KRAS: variants seen among roughly 807,000 people sequenced by gnomAD.
KRAS encodes KRas proto-oncogene, GTPase.
In KRAS, 1 loss-of-function variant was observed where a neutral mutation model predicts 21.0. The observed-to-expected ratio is 0.05, with a 90% confidence interval of 0.02 to 0.23. The LOEUF (loss-of-function observed/expected upper bound fraction) is 0.23, where lower values mean the gene tolerates loss of function less well. Ranked by LOEUF, KRAS falls within the 10% of genes least tolerant of loss-of-function variation. The pLI, the probability that KRAS is intolerant of heterozygous loss-of-function variation, is 1.00. For missense variants in KRAS, 107 were observed against 221.8 expected (o/e 0.48, Z 3.29); for synonymous variants, 67 against 72.5 (o/e 0.92, Z 0.39).
intron 2 of KRAS, among the ~76,000 whole-genome samples, chr12:25,242,663 TA>T (rs1263655474): frequency 6.6e-6 from 1 of 152,210 alleles, no homozygotes; most frequent in African/African-American, 2.4e-5. Flanking sequence ...CCTCTGCCAC[TA>T]AGTTGCCATT....
intron 4 of KRAS, among the ~76,000 whole-genome samples, chr12:25,223,647 G>T (rs1789700880): frequency 6.6e-6 from 1 of 152,128 alleles, no homozygotes; most frequent in South Asian, 2.1e-4. Context: ...TATCAAATTT[G>T]TATAACTAGG....
intron 2 of KRAS, among the ~76,000 whole-genome samples, chr12:25,237,131 G>A (rs943382704): frequency 6.6e-6 from 1 of 152,164 alleles, no homozygotes; most frequent in African/African-American, 2.4e-5. Context: ...CTGTGTGGAG[G>A]ATGCCAGACA....
In KRAS at chr12:25,250,831, GA is replaced by G; in HGVS notation, c.-93del. Reference sequence around the variant, plus strand: ...CCTGCGCCGCGCTCGCTCCCAGTCCGAAATGGCGGGGGCCGGGAGTACTGGC... The same window carrying G: ...CCTGCGCCGCGCTCGCTCCCAGTCCGAATGGCGGGGGCCGGGAGTACTGGC... On this transcript the variant is annotated 5_prime_UTR_variant, in exon 1 of 5. Coordinates refer to ENST00000311936, the MANE Select transcript of KRAS (RefSeq NM_004985.5). 1 of 227,010 alleles carries G rather than the reference GA, an allele frequency of 4.4e-6. No individual in the cohort carries two copies. The allele number at this position is 227,010 out of a possible 1,614,324, so 14.1% of individuals were successfully genotyped here.
At chr12:25,246,138 A>T (rs1565892103) in intron 1 of KRAS, among the ~76,000 whole-genome samples, 1 of 130,014 alleles carries the variant, frequency 7.7e-6, no homozygotes, top group Non-Finnish European at 1.6e-5. Flanking sequence ...ATAGAGCAAG[A>T]CTCCGTCTCA....
chr12:25,248,602 T>C (rs1951719290), intron 1 of KRAS, among the ~76,000 whole-genome samples: 1 of 137,402 alleles, frequency 7.3e-6, no homozygotes, highest in Admixed American at 7.6e-5. Flanking sequence ...CGGTGGTTGT[T>C]TCCAGAAAAA....
At chr12:25,235,445 C>T (rs537966713) in intron 2 of KRAS, among the ~76,000 whole-genome samples, 2 of 152,312 alleles carry the variant, frequency 1.3e-5, no homozygotes, top group African/African-American at 4.8e-5. Flanking sequence ...CATCTACCCA[C>T]ATCAGTCTCC....
At chr12:25,223,776 T>A (rs886820800) in intron 4 of KRAS, among the ~76,000 whole-genome samples, 5 of 152,230 alleles carry the variant, frequency 3.3e-5, no homozygotes, top group African/African-American at 1.2e-4. Flanking sequence ...CGCTTGTTTT[T>A]AAATGTTTAA....
chr12:25,207,298 G>C lies in KRAS; in HGVS notation c.*2497C>G, dbSNP rs1951149079. On this transcript the variant is annotated 3_prime_UTR_variant, in exon 5 of 5. Transcript: ENST00000311936. ...TGAGGCCAAGGTGGGTGAATCACTT[G>C]AGGTCAGGAGTTCGAGACCAGCCTG... is the stretch of plus-strand genomic sequence containing the variant. 5.1e-6 allele frequency: 1 copy of C among 194,388 alleles called. No individual in the cohort carries two copies. Among genetic ancestry groups the C allele is most frequent in the African/African-American group, 2.3e-5 (1 of 43,138 alleles). The allele number at this position is 194,388 out of a possible 1,614,324, so 12.0% of individuals were successfully genotyped here. A position where few individuals can be genotyped will look rare whatever the true frequency, so the allele number is the denominator to read the frequency against.
chr12:25,229,728 AT>A (rs557362710), intron 2 of KRAS, among the ~76,000 whole-genome samples: 81 of 151,334 alleles, frequency 5.4e-4, no homozygotes, highest in Non-Finnish European at 1.1e-3. Flanking sequence ...AAAAGCAATT[AT>A]TTTCTTAATG....
rs200970347 is a variant in KRAS, at chr12:25,215,476, C to T, written c.451-5565G>A. ...ATGCATTTTTTAATTTTCACACAGC[C>T]AGGAGTCTTTTCTTCTTTGCTGATT... On this transcript the variant is annotated intron_variant, in intron 4 of 4. Coordinates refer to ENST00000311936, the MANE Select transcript of KRAS (RefSeq NM_004985.5). 2.5e-4 allele frequency: 409 copies of T among 1,611,406 alleles called. 3 individuals carry two copies. The highest frequency in any genetic ancestry group is 9.8e-4 in the Admixed American group (59 of 60,000).
At chr12:25,240,273 C>T (rs1361609371) in intron 2 of KRAS, among the ~76,000 whole-genome samples, 1 of 152,036 alleles carries the variant, frequency 6.6e-6, no homozygotes, top group African/African-American at 2.4e-5. Flanking sequence ...AGTATAAAGC[C>T]TCTAAATTAA....
chr12:25,215,292 G>A, intron 4 of KRAS: 3 of 1,280,616 alleles, frequency 2.3e-6, no homozygotes, highest in Non-Finnish European at 3.2e-6. Context: ...AAAAATAAAT[G>A]TACTAATTAT....
At chr12:25,233,151 T>C (rs1257284310) in intron 2 of KRAS, among the ~76,000 whole-genome samples, 1 of 152,146 alleles carries the variant, frequency 6.6e-6, no homozygotes, top group Admixed American at 6.5e-5. Flanking sequence ...TAGTCCATGA[T>C]AACTATTTTG....
At chr12:25,246,175 T>TG (rs1415687773) in intron 1 of KRAS, among the ~76,000 whole-genome samples, 1 of 134,862 alleles carries the variant, frequency 7.4e-6, no homozygotes, top group Non-Finnish European at 1.6e-5. Flanking sequence ...AAAAAATCTC[T>TG]GGGGAAAATA....
In KRAS at chr12:25,225,699, G is replaced by T. The variant is rs2141506126; in HGVS notation, c.365C>A (p.Ser122Tyr). The T allele has an allele frequency of 6.2e-7, 1 of 1,613,070 alleles. No homozygotes were observed. The highest frequency in any genetic ancestry group is 8.5e-7 in the Non-Finnish European group (1 of 1,179,422). The stretch of plus-strand genomic sequence containing the variant: ...AGCCTGTTTTGTGTCTACTGTTCTA[G>T]AAGGCAAATCACATTTATTTCCTAC... ...VLVGNKCDLP[S>Y]RTVDTKQAQD... Residue 122 changes from serine to tyrosine, a missense_variant, in exon 4 of 5, where the codon TCT (serine) becomes TAT (tyrosine). Coordinates refer to ENST00000311936, the MANE Select transcript of KRAS (RefSeq NM_004985.5).
intron 2 of KRAS, among the ~76,000 whole-genome samples, chr12:25,228,430 A>AACGGATGCTTC (rs1951422072): frequency 6.6e-6 from 1 of 152,142 alleles, no homozygotes; most frequent in South Asian, 2.1e-4. Flanking sequence ...CATTTTGGAT[A>AACGGATGCTTC]ACGGATGCTT....
In KRAS at chr12:25,209,610, T is replaced by C; in HGVS notation, c.*185A>G. On this transcript the variant is annotated 3_prime_UTR_variant, in exon 5 of 5. Coordinates refer to ENST00000311936, the MANE Select transcript of KRAS (RefSeq NM_004985.5). Reference sequence around the variant, plus strand: ...TCAAAAACCAAAACTCTGGGAATACTGGCACTTAGAGGAAAAAAAAACTTC... The same window carrying C: ...TCAAAAACCAAAACTCTGGGAATACCGGCACTTAGAGGAAAAAAAAACTTC... The C allele has an allele frequency of 7.4e-7, 1 of 1,353,782 alleles. No individual in the cohort carries two copies. Among genetic ancestry groups the C allele is most frequent in the Non-Finnish European group, 9.5e-7 (1 of 1,055,264 alleles). The allele number at this position is 1,353,782 out of a possible 1,614,324, so 83.9% of individuals were successfully genotyped here.
At chr12:25,237,609 C>T (rs1324403398) in intron 2 of KRAS, among the ~76,000 whole-genome samples, 3 of 152,048 alleles carry the variant, frequency 2.0e-5, no homozygotes, top group Non-Finnish European at 4.4e-5. Flanking sequence ...CATGGACAGC[C>T]GAAGAACTTC....
intron 4 of KRAS, among the ~76,000 whole-genome samples, chr12:25,221,115 A>AAGTT (rs1196104213): frequency 1.3e-5 from 2 of 152,100 alleles, no homozygotes; most frequent in African/African-American, 4.8e-5. Flanking sequence ...AAGATTATTA[A>AAGTT]AGTTAGCCTG....
Sources: allele counts gnomAD v4.1 joint callset (sites outside exome capture counted in the v4.1 genomes callset), GRCh38; gene constraint gnomAD v4.1.1; transcripts MANE v1.5; gene names NCBI Gene and HGNC (gene_info 2026-07-23, HGNC 2026-07-21).